The following S100Z variants were observed in gnomAD, a reference collection of about 807,000 sequenced individuals.
S100Z encodes the protein S100 calcium binding protein Z, also known as protein S100-Z.
Under a neutral mutation model 8.5 loss-of-function variants are expected in S100Z, and 11 were observed. That is an observed-to-expected ratio of 1.30 (90% CI 0.82 to 2.15). The LOEUF (loss-of-function observed/expected upper bound fraction) is 2.15. Ranked by LOEUF, S100Z falls within the 30% of genes most tolerant of loss-of-function variation. The pLI is 0.00. For missense variants in S100Z, 126 were observed against 117.9 expected, an observed-to-expected ratio of 1.07 and a Z score of -0.32; for synonymous variants, 34 against 43.8, an observed-to-expected ratio of 0.78 and a Z score of 0.89.
rs189488980 is a variant in S100Z at position 76,850,087 on chromosome 5, A to G, written c.-244A>G. ...GCTGCTGGGAGGAAAACGGCTTGCT[A>G]ATCTCCACGCCCAGAAATTCAGACA... On this transcript the variant is annotated 5_prime_UTR_variant, in exon 1 of 5. Coordinates refer to ENST00000317593, the MANE Select transcript of S100Z (RefSeq NM_130772.4). 1 of 152,318 alleles carries G rather than the reference A, an allele frequency of 6.6e-6. No homozygotes were observed. The highest frequency in any genetic ancestry group is 1.9e-4 in the East Asian group (1 of 5,172). The allele number at this position is 152,318 out of a possible 1,614,324, so 9.4% of individuals were successfully genotyped here.
chr5:76,887,482 C>T (rs552967827), intron 4 of S100Z, among the ~76,000 whole-genome samples: 115 of 149,542 alleles, frequency 7.7e-4, no homozygotes, highest in Admixed American at 1.3e-3. Context: ...TCACTGCAAC[C>T]TCCACCTCCC....
At chr5:76,898,043 G>A (rs1282454378) in intron 4 of S100Z, among the ~76,000 whole-genome samples, 1 of 152,128 alleles carries the variant, frequency 6.6e-6, no homozygotes, top group Non-Finnish European at 1.5e-5. Flanking sequence ...GTGACACTGG[G>A]CATCCTTGTT....
At chr5:76,880,146 G>C (rs1272542738) in intron 4 of S100Z, among the ~76,000 whole-genome samples, 1 of 152,150 alleles carries the variant, frequency 6.6e-6, no homozygotes, top group Non-Finnish European at 1.5e-5. Context: ...CTTTCTTAAG[G>C]GTGGGGGAGA....
At chr5:76,907,886 T>C (rs981940482) in intron 4 of S100Z, among the ~76,000 whole-genome samples, 1 of 152,164 alleles carries the variant, frequency 6.6e-6, no homozygotes, top group East Asian at 1.9e-4. Context: ...CCTAGCAGTT[T>C]GGGAGGCCAA....
At chr5:76,929,690 G>T in the S100Z span, among the ~76,000 whole-genome samples, 2 of 152,172 alleles carry the variant, frequency 1.3e-5, no homozygotes, top group African/African-American at 4.8e-5. Context: ...ATTATATGCA[G>T]CCTGTGAATC....
the S100Z span, among the ~76,000 whole-genome samples, chr5:76,951,704 C>A: frequency 1.3e-5 from 2 of 152,174 alleles, no homozygotes; most frequent in Non-Finnish European, 2.9e-5. Flanking sequence ...AAAATTCAGG[C>A]ATCTAAACAG....
At chr5:76,864,828 C>T (rs565793884) in intron 1 of S100Z, among the ~76,000 whole-genome samples, 2 of 152,224 alleles carry the variant, frequency 1.3e-5, no homozygotes, top group African/African-American at 2.4e-5. Context: ...TCTGCCTCAG[C>T]CTCCCTAGTA....
At chr5:76,919,879 C>G (rs1004861981) in intron 4 of S100Z, among the ~76,000 whole-genome samples, 1 of 151,530 alleles carries the variant, frequency 6.6e-6, no homozygotes, top group African/African-American at 2.4e-5. Flanking sequence ...GCTGGGATTA[C>G]AGGTGTGAAC....
At chr5:76,904,664 A>G (rs1744362658) in intron 4 of S100Z, among the ~76,000 whole-genome samples, 1 of 152,122 alleles carries the variant, frequency 6.6e-6, no homozygotes, top group Non-Finnish European at 1.5e-5. Context: ...ATAAAACATT[A>G]TGCTTTTTGG....
At chr5:76,888,324 G>T (rs1743722188) in intron 4 of S100Z, among the ~76,000 whole-genome samples, 1 of 146,956 alleles carries the variant, frequency 6.8e-6, no homozygotes, top group South Asian at 2.2e-4. Context: ...AGGGGTCCTT[G>T]GGAAGTTTTC....
intron 4 of S100Z, among the ~76,000 whole-genome samples, chr5:76,899,410 T>G (rs1744156750): frequency 6.6e-6 from 1 of 151,930 alleles, no homozygotes; most frequent in Non-Finnish European, 1.5e-5. Context: ...TTGGTTTTTG[T>G]GGTCTTCTCT....
intron 1 of S100Z, among the ~76,000 whole-genome samples, chr5:76,862,515 G>A (rs1473694819): frequency 6.6e-6 from 1 of 151,992 alleles, no homozygotes; most frequent in African/African-American, 2.4e-5. Flanking sequence ...ACCCTGAGGA[G>A]CCACCAGGTG....
chr5:76,898,392 T>C lies in S100Z; in HGVS notation c.*2+20558T>C, dbSNP rs1018738451. Reference sequence around the variant, plus strand: ...TTGAACTCCTGATTCCTGAGGTGGGTGGATCCAGGTGATCCGCCCACCTCG... The same window carrying C: ...TTGAACTCCTGATTCCTGAGGTGGGCGGATCCAGGTGATCCGCCCACCTCG... On this transcript the variant is annotated intron_variant, in intron 4 of 4. Transcript: ENST00000317593. Among the ~76,000 whole-genome samples the C allele has an allele frequency of 2.6e-5, 4 of 152,100 alleles. No individual in the cohort carries two copies. In the East Asian group the frequency reaches 5.8e-4, roughly 22 times the overall value.
rs756572028 is a variant in S100Z, at chr5:76,877,714, A to G, written c.182A>G (p.Asp61Gly). 6.2e-7 allele frequency: 1 copy of G among 1,612,470 alleles called. No individual in the cohort carries two copies. The highest frequency in any genetic ancestry group is 1.7e-5 in the Admixed American group (1 of 60,000). Residue 61 changes from aspartate (D) to glycine (G), a missense_variant, in exon 4 of 5, where the codon GAC becomes GGC. Coordinates refer to ENST00000317593, the MANE Select transcript of S100Z (RefSeq NM_130772.4). ...ETQLVDKIVQ[D>G]LDANKDNEVD... ...CAGTTGGTTGATAAGATAGTGCAGG[A>G]CCTGGATGCCAATAAGGACAACGAA...
At chr5:76,916,389 A>G (rs192894595) in intron 4 of S100Z, among the ~76,000 whole-genome samples, 1 of 152,310 alleles carries the variant, frequency 6.6e-6, no homozygotes, top group East Asian at 1.9e-4. Flanking sequence ...AAAGCTAGAC[A>G]GAAAATCAGC....
the S100Z span, among the ~76,000 whole-genome samples, chr5:76,950,184 G>C: frequency 1.3e-5 from 2 of 152,286 alleles, no homozygotes; most frequent in African/African-American, 4.8e-5. Flanking sequence ...CTAAAGCATG[G>C]ATTAGTGATG....
chr5:76,940,369 C>T, the S100Z span, among the ~76,000 whole-genome samples: 4 of 151,444 alleles, frequency 2.6e-5, no homozygotes, highest in African/African-American at 9.7e-5. Context: ...CAGGGAATAA[C>T]TATAGGTGAA....
At chr5:76,858,598 C>T (rs539719214) in intron 1 of S100Z, among the ~76,000 whole-genome samples, 23 of 152,106 alleles carry the variant, frequency 1.5e-4, no homozygotes, top group Non-Finnish European at 5.9e-5. Context: ...ATTGTCCTGC[C>T]TGGACGATGA....
the S100Z span, among the ~76,000 whole-genome samples, chr5:76,947,156 T>TG: frequency 1.3e-5 from 2 of 152,230 alleles, no homozygotes; most frequent in Admixed American, 6.5e-5. Flanking sequence ...ACAGAGAGAC[T>TG]GGGGAGTGGC....
Sources: allele counts gnomAD v4.1 joint callset (sites outside exome capture counted in the v4.1 genomes callset), GRCh38; gene constraint gnomAD v4.1.1; transcripts MANE v1.5; gene names NCBI Gene and HGNC (gene_info 2026-07-23, HGNC 2026-07-21).